SEPTIN9: variants seen among roughly 807,000 people sequenced by gnomAD.
SEPTIN9 encodes the protein septin-9.
Under a neutral mutation model 56.6 loss-of-function variants are expected in SEPTIN9, and 13 were observed. The observed-to-expected ratio is 0.23, with a 90% CI of 0.15 to 0.37. SEPTIN9 has a LOEUF of 0.37. SEPTIN9 is among the 10% of genes least tolerant of loss of function. The pLI is 1.00. For synonymous variants in SEPTIN9, 332 were observed against 334.1 expected (o/e 0.99, Z 0.07); for missense variants, 650 against 823.1 (o/e 0.79, Z 2.57).
chr17:77,366,591 G>T (rs1413614236), intron 2 of SEPTIN9, among the ~76,000 whole-genome samples: 1 of 152,194 alleles, frequency 6.6e-6, no homozygotes, highest in African/African-American at 2.4e-5. Flanking sequence ...CAGTCCTTCA[G>T]TCCTTCTGTC....
In SEPTIN9 at chr17:77,476,694, C is replaced by T. The variant is rs897264951; in HGVS notation, c.722-5450C>T. Reference sequence around the variant, plus strand: ...GGGGCCCTGGCATAAGGCCTGGGTTCAGAATGGGAACCTGCAGAGAAACTG... The same window carrying T: ...GGGGCCCTGGCATAAGGCCTGGGTTTAGAATGGGAACCTGCAGAGAAACTG... On this transcript the variant is annotated intron_variant, in intron 3 of 11. Transcript: ENST00000427177. This position sits in a 1 kb window ranked among gnomAD's most constrained non-coding sequence, Gnocchi z 6.0. Among the ~76,000 whole-genome samples the T allele has an allele frequency of 9.2e-5, 14 of 152,210 alleles. No homozygotes were observed. The highest frequency in any genetic ancestry group is 3.3e-4 in the Admixed American group (5 of 15,282).
chr17:77,454,816 G>T (rs552287950), intron 3 of SEPTIN9, among the ~76,000 whole-genome samples: 1 of 152,230 alleles, frequency 6.6e-6, no homozygotes, highest in Non-Finnish European at 1.5e-5. Flanking sequence ...TTCTGCAGGC[G>T]CCTGAGCTGC....
intron 2 of SEPTIN9, among the ~76,000 whole-genome samples, chr17:77,316,250 C>T (rs1012376211): frequency 6.6e-6 from 1 of 152,130 alleles, no homozygotes; most frequent in South Asian, 2.1e-4. Flanking sequence ...AGAGGTTGGC[C>T]CTCGCCTCCC....
Position 77,492,247 on chromosome 17 carries a change from C to T in SEPTIN9, c.1381-374C>T, listed in dbSNP as rs1418542134. 1.3e-5 allele frequency among the ~76,000 whole-genome samples: 2 copies of T among 151,978 alleles called. No individual in the cohort carries two copies. The highest frequency in any genetic ancestry group is 2.1e-4 in the South Asian group (1 of 4,812). On this transcript the variant is annotated intron_variant, in intron 8 of 11. Transcript: ENST00000427177. The surrounding 1 kb of genome is among the most constrained non-coding windows in gnomAD (Gnocchi z 5.4). ...CAGGGAGCTGAGAGGTTACTGCAGGCGGGGCCCCTGCTGGAACTGGGGACT... is the reference window on the plus strand; with the variant it reads ...CAGGGAGCTGAGAGGTTACTGCAGGTGGGGCCCCTGCTGGAACTGGGGACT...
chr17:77,434,694 C>T lies in SEPTIN9; in HGVS notation c.721+31991C>T, dbSNP rs1041931441. Among the ~76,000 whole-genome samples the T allele has an allele frequency of 2.0e-5, 3 of 152,226 alleles. No homozygotes were observed. Among genetic ancestry groups the T allele is most frequent in the Non-Finnish European group, 2.9e-5 (2 of 68,034 alleles). On this transcript the variant is annotated intron_variant, in intron 3 of 11. Coordinates refer to ENST00000427177, the MANE Select transcript of SEPTIN9 (RefSeq NM_001113491.2). This position sits in a 1 kb window ranked among gnomAD's most constrained non-coding sequence, Gnocchi z 5.0. ...CCAGACGTGAGGGTTGGCATCTTCT[C>T]TTGCACGTGAAGCAAAGGCCTGTTT...
At chr17:77,447,187 G>C (rs560599980) in intron 3 of SEPTIN9, 1 of 167,228 alleles carries the variant, frequency 6.0e-6, no homozygotes, top group South Asian at 2.1e-4. Flanking sequence ...TTATTGGAAG[G>C]ATATCCATGC....
chr17:77,449,401 C>T lies in SEPTIN9; in HGVS notation c.722-32743C>T, dbSNP rs1039212664. On this transcript the variant is annotated intron_variant, in intron 3 of 11. Transcript: ENST00000427177. This position sits in a 1 kb window ranked among gnomAD's most constrained non-coding sequence, Gnocchi z 4.6. ...CACCCAGGATGCTGGCCTCCCAGCTCAGGAATCCAGAGGCAGAGGAGGGGA... is the reference window on the plus strand; with the variant it reads ...CACCCAGGATGCTGGCCTCCCAGCTTAGGAATCCAGAGGCAGAGGAGGGGA... Among the ~76,000 whole-genome samples, 2 of 152,056 alleles carry T rather than the reference C, an allele frequency of 1.3e-5. No individual in the cohort carries two copies. Among genetic ancestry groups the T allele is most frequent in the Non-Finnish European group, 2.9e-5 (2 of 68,028 alleles).
At chr17:77,386,098 G>T (rs559579668) in intron 2 of SEPTIN9, among the ~76,000 whole-genome samples, 2 of 151,812 alleles carry the variant, frequency 1.3e-5, no homozygotes, top group Non-Finnish European at 2.9e-5. Context: ...TGCATGCCAC[G>T]TGCAGACAGT....
Position 77,433,537 on chromosome 17 carries a change from C to A in SEPTIN9, c.721+30834C>A, listed in dbSNP as rs2037226454. 6.6e-6 allele frequency among the ~76,000 whole-genome samples: 1 copy of A among 152,120 alleles called. No individual in the cohort carries two copies. Among genetic ancestry groups the A allele is most frequent in the African/African-American group, 2.4e-5 (1 of 41,420 alleles). ...ATGGCGCCCCAGCCACGTTCCCACCCACCCCGAGGCCCAGCATGGCCATGC... is the reference window on the plus strand; with the variant it reads ...ATGGCGCCCCAGCCACGTTCCCACCAACCCCGAGGCCCAGCATGGCCATGC... On this transcript the variant is annotated intron_variant, in intron 3 of 11. Transcript: ENST00000427177. This position sits in a 1 kb window ranked among gnomAD's most constrained non-coding sequence, Gnocchi z 6.4.
At chr17:77,488,351 G>T (rs1372928482) in intron 6 of SEPTIN9, 30 bp downstream of exon 6, 2 of 1,591,814 alleles carry the variant, frequency 1.3e-6, no homozygotes, top group Admixed American at 1.7e-5. Flanking sequence ...AGGAGCACTA[G>T]CGGGGGCTTC....
At chr17:77,353,969 C>T (rs193155134) in intron 2 of SEPTIN9, among the ~76,000 whole-genome samples, 74 of 152,278 alleles carry the variant, frequency 4.9e-4, no homozygotes, top group Non-Finnish European at 7.8e-4. Context: ...ACAGATCCCT[C>T]TAGGCTGAAA....
At chr17:77,390,767 G>A (rs2035514826) in intron 2 of SEPTIN9, among the ~76,000 whole-genome samples, 1 of 152,212 alleles carries the variant, frequency 6.6e-6, no homozygotes, top group South Asian at 2.1e-4. Flanking sequence ...TTCTGTTCTT[G>A]AACAGGTGGC....
chr17:77,449,527 G>A lies in SEPTIN9; in HGVS notation c.722-32617G>A, dbSNP rs552755959. Among the ~76,000 whole-genome samples, 4 of 152,322 alleles carry A rather than the reference G, an allele frequency of 2.6e-5. No individual in the cohort carries two copies. The highest frequency in any genetic ancestry group is 9.6e-5 in the African/African-American group (4 of 41,566). ...TTGAGGCCAGAGGCAAAGAGAAGAA[G>A]GTTCGGAGAGGAGGGCCAAGGAAGA... On this transcript the variant is annotated intron_variant, in intron 3 of 11. Transcript: ENST00000427177. The surrounding 1 kb of genome is among the most constrained non-coding windows in gnomAD (Gnocchi z 4.6).
At chr17:77,394,592 G>A (rs55768902) in intron 2 of SEPTIN9, among the ~76,000 whole-genome samples, 2 of 152,146 alleles carry the variant, frequency 1.3e-5, no homozygotes, top group Non-Finnish European at 2.9e-5. Flanking sequence ...GCTGAGCTGC[G>A]CATGAGATTA....
rs777547566 is a variant in SEPTIN9, at chr17:77,475,583, A to G, written c.722-6561A>G. The G allele has an allele frequency of 6.8e-6, 11 of 1,613,372 alleles. No individual in the cohort carries two copies. Among genetic ancestry groups the G allele is most frequent in the Non-Finnish European group, 9.3e-6 (11 of 1,179,826 alleles). On this transcript the variant is annotated intron_variant, in intron 3 of 11. Transcript: ENST00000427177. The surrounding 1 kb of genome is among the most constrained non-coding windows in gnomAD (Gnocchi z 4.6). ...GGGCTGCCGCAGGGGTGCTGGCCCC[A>G]GGGTCTGGATTCAGGGGAGCCTGCA...
rs967634590 is a variant in SEPTIN9, at chr17:77,327,602, C to T, written c.76+20405C>T. ...GGGTGGGGAGATTCCTCTTAACCAG[C>T]GGCCCACGTTTGGAGACTGATTTGG... On this transcript the variant is annotated intron_variant, in intron 2 of 11. Transcript: ENST00000427177. The surrounding 1 kb of genome is among the most constrained non-coding windows in gnomAD (Gnocchi z 5.0). Among the ~76,000 whole-genome samples the T allele has an allele frequency of 1.1e-4, 16 of 152,262 alleles. No homozygotes were observed. Among genetic ancestry groups the T allele is most frequent in the Middle Eastern group, 3.4e-3 (1 of 294 alleles).
intron 3 of SEPTIN9, among the ~76,000 whole-genome samples, chr17:77,465,612 C>T (rs1350187559): frequency 7.3e-6 from 1 of 137,582 alleles, no homozygotes; most frequent in Non-Finnish European, 1.5e-5. Flanking sequence ...TGAATCAACG[C>T]AGGGATGGGT....
intron 1 of SEPTIN9, among the ~76,000 whole-genome samples, chr17:77,298,709 C>T (rs1328263437): frequency 6.6e-6 from 1 of 152,212 alleles, no homozygotes; most frequent in African/African-American, 2.4e-5. Context: ...CTCTGAACCT[C>T]CTCCCCCTGC....
At chr17:77,424,292 A>C (rs2036818397) in intron 3 of SEPTIN9, among the ~76,000 whole-genome samples, 1 of 152,274 alleles carries the variant, frequency 6.6e-6, no homozygotes, top group Non-Finnish European at 1.5e-5. Flanking sequence ...GGCTGTGAAC[A>C]CAGGGCTGCT....
Sources: allele counts gnomAD v4.1 joint callset (sites outside exome capture counted in the v4.1 genomes callset), GRCh38; gene constraint gnomAD v4.1.1; non-coding constraint Gnocchi (gnomAD v3.1); transcripts MANE v1.5; gene names NCBI Gene and HGNC (gene_info 2026-07-23, HGNC 2026-07-21).